Variants in BAD observed in about 807,000 individuals in gnomAD.
BAD encodes bcl2-associated agonist of cell death.
BAD carries 18 observed loss-of-function variants against 17.8 expected under a neutral mutation model. That is an observed-to-expected ratio of 1.01 (90% CI 0.70 to 1.50). The LOEUF (loss-of-function observed/expected upper bound fraction) is 1.50. Among genes scored for constraint, BAD ranks in the 40% most tolerant of loss-of-function variants. The pLI is 0.00. For missense variants in BAD, 294 were observed against 239.3 expected, an observed-to-expected ratio of 1.23 and a Z score of -1.51; for synonymous variants, 112 against 91.5, an observed-to-expected ratio of 1.22 and a Z score of -1.28.
At chr11:64,280,394 C>A (rs2033381839) in intron 2 of BAD, among the ~76,000 whole-genome samples, 2 of 143,176 alleles carry the variant, frequency 1.4e-5, no homozygotes. Flanking sequence ...CTCTGTCGCC[C>A]AGGCTGGAGT....
chr11:64,276,891 C>A (rs1201754906), intron 2 of BAD: 1 of 755,188 alleles, frequency 1.3e-6, no homozygotes, highest in Non-Finnish European at 2.5e-6. Flanking sequence ...TGCCCCAGGC[C>A]CCAGCATGGC....
intron 2 of BAD, chr11:64,277,136 C>T (rs550415054): frequency 1.5e-5 from 9 of 618,086 alleles, no homozygotes; most frequent in Admixed American, 4.9e-5. Context: ...TGTTCCAGAC[C>T]GTTTGGAGCA....
intron 2 of BAD, chr11:64,275,764 G>A (rs2033013513): frequency 6.6e-6 from 1 of 151,980 alleles, no homozygotes; most frequent in African/African-American, 2.4e-5. Flanking sequence ...TGGAAGGTGA[G>A]TGACTTGCAC....
intron 2 of BAD, chr11:64,272,744 C>T (rs559937169): frequency 2.0e-5 from 3 of 152,388 alleles, no homozygotes; most frequent in Admixed American, 6.5e-5. Flanking sequence ...CTGTGGAGGC[C>T]TGAGGCTGGA....
intron 2 of BAD, among the ~76,000 whole-genome samples, chr11:64,277,500 C>T (rs919201759): frequency 2.2e-4 from 33 of 152,186 alleles, no homozygotes; most frequent in African/African-American, 5.3e-4. Context: ...TGGGGTGGCA[C>T]GATCTCAGCT....
Position 64,270,232 on chromosome 11 carries a change from C to T in BAD, c.484G>A (p.Gly162Arg). Residue 162 changes from glycine (G) to arginine (R), a missense_variant, in exon 4 of 4, where the codon GGA becomes AGA. By Grantham distance (125) the Gly-to-Arg change is moderately radical. Coordinates refer to ENST00000309032, the MANE Select transcript of BAD (RefSeq NM_032989.3). ...GGTCACTGGGAGGGGGCGGAGCTTC[C>T]CCTGCCCAAGTTCCGATCCCACCAG... is the stretch of plus-strand genomic sequence containing the variant. ...QSWWDRNLGRGSSAPSQ is the reference protein window; with the variant it reads ...QSWWDRNLGRRSSAPSQ 2 of 1,612,730 alleles carry T rather than the reference C, an allele frequency of 1.2e-6. No homozygotes were observed. The highest frequency in any genetic ancestry group is 1.7e-6 in the Non-Finnish European group (2 of 1,179,036).
chr11:64,276,733 C>T (rs1307783811), intron 2 of BAD: 2 of 583,556 alleles, frequency 3.4e-6, no homozygotes, highest in African/African-American at 3.8e-5. Context: ...CTGGGCCAGA[C>T]TCTCCCTTCT....
rs1411741717 is a variant in BAD, at chr11:64,270,131, G to A, written c.*78C>T. On this transcript the variant is annotated 3_prime_UTR_variant, in exon 4 of 4. Coordinates refer to ENST00000309032, the MANE Select transcript of BAD (RefSeq NM_032989.3). ...GATCCTCTTTTTGCATAGGCCTGAG[G>A]GAAGTACTTCCGCCCATATTCAAGA... 1.9e-6 allele frequency: 3 copies of A among 1,605,426 alleles called. No homozygotes were observed. The highest frequency in any genetic ancestry group is 2.6e-6 in the Non-Finnish European group (3 of 1,174,050).
intron 2 of BAD, among the ~76,000 whole-genome samples, chr11:64,282,524 C>G (rs2033546152): frequency 6.6e-6 from 1 of 151,814 alleles, no homozygotes; most frequent in South Asian, 2.1e-4. Flanking sequence ...CGTTTGAGCC[C>G]AGGAGTTTGA....
rs771524361 is a variant in BAD, at chr11:64,284,419, CA to C, written c.-8-44del. The stretch of plus-strand genomic sequence containing the variant: ...TACGTAGTCAAGGCACAGCTGGGGC[CA>C]ACGGTGGCCCTGGAAGGCAGAGGCA... On this transcript the variant is annotated intron_variant, in intron 1 of 3. Coordinates refer to ENST00000309032, the MANE Select transcript of BAD (RefSeq NM_032989.3). 17 of 1,608,792 alleles carry C rather than the reference CA, an allele frequency of 1.1e-5. No homozygotes were observed. In the East Asian group the frequency reaches 3.6e-4, roughly 34 times the overall value.
intron 3 of BAD, chr11:64,270,771 G>C: frequency 2.3e-6 from 1 of 438,314 alleles, no homozygotes; most frequent in South Asian, 1.6e-5. Context: ...CTCCAGCCTG[G>C]GCGACAGAGC....
At chr11:64,271,969 G>A (rs2032663522) in intron 2 of BAD, 166 bp from the exon 3 acceptor site, 3 of 452,026 alleles carry the variant, frequency 6.6e-6, no homozygotes, top group Non-Finnish European at 1.1e-5. Context: ...TGAATCGAGG[G>A]GAAGCTCAGG....
chr11:64,284,392 G>A lies in BAD; in HGVS notation c.-8-16C>T, dbSNP rs781006183. On this transcript the variant is annotated splice_polypyrimidine_tract_variant and intron_variant, in intron 1 of 3. Coordinates refer to ENST00000309032, the MANE Select transcript of BAD (RefSeq NM_032989.3). ...ATGCTCTGGGCTGTGAGGACAAGAT[G>A]TTACGTAGTCAAGGCACAGCTGGGG... 8 of 1,611,920 alleles carry A rather than the reference G, an allele frequency of 5.0e-6. No homozygotes were observed. In the African/African-American group the frequency reaches 1.1e-4, roughly 22 times the overall value.
chr11:64,280,668 A>T (rs2033408287), intron 2 of BAD, among the ~76,000 whole-genome samples: 1 of 141,790 alleles, frequency 7.1e-6, no homozygotes, highest in Admixed American at 7.1e-5. Flanking sequence ...TTTTATTTTT[A>T]TTTATTTTTT....
In BAD at chr11:64,271,711, G is replaced by T; in HGVS notation, c.280C>A (p.Arg94=). 1 of 1,472,424 alleles carries T rather than the reference G, an allele frequency of 6.8e-7. No individual in the cohort carries two copies. The highest frequency in any genetic ancestry group is 9.0e-7 in the Non-Finnish European group (1 of 1,113,720). 91.2% of individuals were successfully genotyped at this position (1,472,424 alleles called of 1,614,324 possible). ...EGMGEEPSPF[R]GRSRSAPPNL... The stretch of plus-strand genomic sequence containing the variant: ...GGGGGCGCCGAGCGCGAGCGGCCCC[G>T]AAAGGGGCTGGGCTCCTCCCCCATC... Residue 94 remains arginine, a synonymous_variant, in exon 3 of 4, where the codon CGG becomes AGG. Coordinates refer to ENST00000309032, the MANE Select transcript of BAD (RefSeq NM_032989.3).
intron 1 of BAD, 108 bp downstream of exon 1, chr11:64,284,523 C>T: frequency 1.3e-6 from 2 of 1,537,374 alleles, no homozygotes; most frequent in Non-Finnish European, 1.7e-6. Context: ...TCTGCCGGGT[C>T]TGGCCTGGCA....
In BAD at chr11:64,270,182, G is replaced by A. The variant is rs1397577940; in HGVS notation, c.*27C>T. The A allele has an allele frequency of 1.2e-6, 2 of 1,614,002 alleles. No individual in the cohort carries two copies. Among genetic ancestry groups the A allele is most frequent in the Admixed American group, 1.7e-5 (1 of 60,004 alleles). ...TGGCTGCCCAGGGCAGTGGGAACGG[G>A]TGGAGTTTCGGGATGTGGAGCGAAG... On this transcript the variant is annotated 3_prime_UTR_variant, in exon 4 of 4. Transcript: ENST00000309032.
intron 2 of BAD, among the ~76,000 whole-genome samples, chr11:64,272,394 C>A (rs2032702302): frequency 1.3e-5 from 2 of 152,134 alleles, no homozygotes; most frequent in African/African-American, 4.8e-5. Context: ...GGGTTGGTAG[C>A]TATTTCATAG....
In BAD at chr11:64,273,725, C is replaced by CA. The variant is rs1368151224; in HGVS notation, c.188-1923dup. Reference sequence around the variant, plus strand: ...TAAAACCCCGTCTCTACTAAAAATACAAAAAAATTAGCCAGGCGCGGTGGC... The same window carrying CA: ...TAAAACCCCGTCTCTACTAAAAATACAAAAAAAATTAGCCAGGCGCGGTGGC... On this transcript the variant is annotated intron_variant, in intron 2 of 3. Coordinates refer to ENST00000309032, the MANE Select transcript of BAD (RefSeq NM_032989.3). 4.0e-5 allele frequency among the ~76,000 whole-genome samples: 6 copies of CA among 151,550 alleles called. No homozygotes were observed. The South Asian group carries it at 1.0e-3, about 26-fold the overall frequency.
Sources: gnomAD v4.1 joint callset for allele counts (sites outside exome capture counted in the v4.1 genomes callset) on GRCh38, gnomAD v4.1.1 for gene constraint, MANE v1.5 for transcripts, NCBI Gene and HGNC (gene_info 2026-07-23, HGNC 2026-07-21) for gene names.